The following HDAC9 variants were observed in gnomAD, a reference collection of about 807,000 sequenced individuals.
HDAC9 encodes MEF-2 interacting transcription repressor (MITR) protein.
A neutral mutation model predicts 139.4 loss-of-function variants in HDAC9; 41 were observed. The ratio of observed to expected loss-of-function variants is 0.29; its 90% CI spans 0.23 to 0.38. The LOEUF is 0.38. HDAC9 is among the 10% of genes least tolerant of loss of function. The pLI is 1.00. For missense variants in HDAC9, 1,147 were observed against 1,297.0 expected (o/e 0.88, Z 1.78); for synonymous variants, 517 against 476.2 (o/e 1.09, Z -1.12).
intron 2 of HDAC9, among the ~76,000 whole-genome samples, chr7:18,180,560 T>G (rs1258268886): frequency 6.6e-6 from 1 of 152,130 alleles, no homozygotes; most frequent in Non-Finnish European, 1.5e-5. Context: ...ATGGGCTGTA[T>G]AACATGTGGC....
intron 1 of HDAC9, among the ~76,000 whole-genome samples, chr7:18,300,686 C>G (rs1468722029): frequency 2.0e-5 from 3 of 152,092 alleles, no homozygotes; most frequent in Non-Finnish European, 4.4e-5. Context: ...CATTAAAGTT[C>G]TTGAACTATA....
chr7:18,822,185 A>T (rs1795025715), intron 17 of HDAC9, among the ~76,000 whole-genome samples: 1 of 152,116 alleles, frequency 6.6e-6, no homozygotes, highest in Non-Finnish European at 1.5e-5. Context: ...GGCTGTGGGG[A>T]TAAATATTTC....
chr7:18,304,492 T>C (rs953947033), intron 1 of HDAC9, among the ~76,000 whole-genome samples: 2 of 152,152 alleles, frequency 1.3e-5, no homozygotes, highest in African/African-American at 2.4e-5. Flanking sequence ...GCCCCTGTTA[T>C]AGGTAAAGTA....
At chr7:18,851,638 T>G (rs1451621344) in intron 21 of HDAC9, among the ~76,000 whole-genome samples, 14 of 152,236 alleles carry the variant, frequency 9.2e-5, no homozygotes, top group Admixed American at 9.2e-4. Flanking sequence ...GAAACTGCGT[T>G]TTTAATTTTC....
At chr7:18,570,251 G>C (rs1273205489) in intron 2 of HDAC9, among the ~76,000 whole-genome samples, 2 of 152,066 alleles carry the variant, frequency 1.3e-5, no homozygotes, top group Non-Finnish European at 2.9e-5. Context: ...AAAGAAAAGG[G>C]TGAAATATTA....
intron 1 of HDAC9, among the ~76,000 whole-genome samples, chr7:18,368,441 C>T (rs1784350363): frequency 6.6e-6 from 1 of 151,964 alleles, no homozygotes; most frequent in Admixed American, 6.6e-5. Context: ...ATATATCAAA[C>T]ATGCTGTTTC....
In HDAC9 at chr7:19,001,210, G is replaced by C. The variant is rs1786731834; in HGVS notation, c.*5148G>C. ...CTTGTCCTTTGGGAGATGTCTTTGA[G>C]TCAAACCCACAAGCATGAACTCTCA... On this transcript the variant is annotated 3_prime_UTR_variant, in exon 26 of 26. Coordinates refer to ENST00000686413, the MANE Select transcript of HDAC9 (RefSeq NM_178425.4). 6.6e-6 allele frequency: 1 copy of C among 152,096 alleles called. No individual in the cohort carries two copies. The highest frequency in any genetic ancestry group is 1.5e-5 in the Non-Finnish European group (1 of 67,984). 9.4% of individuals were successfully genotyped at this position (152,096 alleles called of 1,614,324 possible). A position where few individuals can be genotyped will look rare whatever the true frequency, so the allele number is the denominator to read the frequency against.
chr7:18,783,627 A>C (rs528806355), intron 16 of HDAC9, among the ~76,000 whole-genome samples: 1 of 150,464 alleles, frequency 6.6e-6, no homozygotes, highest in Non-Finnish European at 1.5e-5. Context: ...GATGGTTACC[A>C]CACAAGGAAT....
intron 21 of HDAC9, among the ~76,000 whole-genome samples, chr7:18,851,952 C>CAGGT (rs1163639886): frequency 6.6e-6 from 1 of 152,192 alleles, no homozygotes; most frequent in Non-Finnish European, 1.5e-5. Flanking sequence ...TCCTTGCAGG[C>CAGGT]AGGTAGGTGC....
At chr7:18,101,905 T>C (rs1257070942) in intron 1 of HDAC9, among the ~76,000 whole-genome samples, 3 of 152,220 alleles carry the variant, frequency 2.0e-5, no homozygotes, top group Admixed American at 1.3e-4. Flanking sequence ...CTCTTGAATC[T>C]AGTAAATGTG....
At chr7:18,406,289 TA>T (rs1430487941) in intron 1 of HDAC9, among the ~76,000 whole-genome samples, 3 of 152,328 alleles carry the variant, frequency 2.0e-5, no homozygotes, top group African/African-American at 7.2e-5. Context: ...TAGGTTGGTG[TA>T]AAAGTAATTG....
chr7:18,578,756 A>G (rs1031943443), intron 2 of HDAC9, among the ~76,000 whole-genome samples: 1 of 152,232 alleles, frequency 6.6e-6, no homozygotes, highest in Non-Finnish European at 1.5e-5. Flanking sequence ...ATGAGATGGT[A>G]TGATTAGAGC....
chr7:18,920,076 AT>A (rs1444024387), intron 22 of HDAC9, among the ~76,000 whole-genome samples: 3 of 152,090 alleles, frequency 2.0e-5, no homozygotes, highest in Admixed American at 2.0e-4. Context: ...GAATCTATAA[AT>A]TACCTTGGGC....
intron 16 of HDAC9, 94 bp downstream of exon 16, chr7:18,767,249 A>G: frequency 1.5e-6 from 1 of 656,392 alleles, no homozygotes. Context: ...GTTATTTCTC[A>G]GTAAAAGTTA....
At chr7:18,711,761 C>A (rs970098633) in intron 12 of HDAC9, among the ~76,000 whole-genome samples, 1 of 152,192 alleles carries the variant, frequency 6.6e-6, no homozygotes, top group East Asian at 1.9e-4. Flanking sequence ...CACAAAAGAA[C>A]AGCACTTGTG....
intron 2 of HDAC9, among the ~76,000 whole-genome samples, chr7:18,583,170 T>A (rs748588096): frequency 2.0e-5 from 3 of 152,196 alleles, no homozygotes; most frequent in Non-Finnish European, 4.4e-5. Flanking sequence ...ATGGTTTATT[T>A]TAATATATAA....
chr7:18,665,693 A>G (rs1236025926), intron 11 of HDAC9, among the ~76,000 whole-genome samples: 2 of 152,146 alleles, frequency 1.3e-5, no homozygotes, highest in East Asian at 1.9e-4. Context: ...ATATAAGAAG[A>G]TGCTTTTTCA....
At chr7:18,487,824 T>G (rs1398907326) in intron 1 of HDAC9, among the ~76,000 whole-genome samples, 1 of 152,062 alleles carries the variant, frequency 6.6e-6, no homozygotes, top group Admixed American at 6.6e-5. Context: ...ATGCCACGTA[T>G]CAACTTGACT....
At chr7:18,693,919 A>T (rs546564896) in intron 12 of HDAC9, among the ~76,000 whole-genome samples, 1 of 152,336 alleles carries the variant, frequency 6.6e-6, no homozygotes, top group Admixed American at 6.5e-5. Flanking sequence ...TTTTAAACAC[A>T]GATTTAGAGA....
Sources: gnomAD v4.1 joint callset for allele counts (sites outside exome capture counted in the v4.1 genomes callset) on GRCh38, gnomAD v4.1.1 for gene constraint, MANE v1.5 for transcripts, NCBI Gene and HGNC (gene_info 2026-07-23, HGNC 2026-07-21) for gene names.